The following NRG1 variants were observed in gnomAD, a reference collection of about 807,000 sequenced individuals.
NRG1 encodes the protein pro-neuregulin-1, membrane-bound isoform.
In NRG1, 18 loss-of-function variants were observed where a neutral mutation model predicts 63.8. The observed-to-expected ratio is 0.28, with a 90% CI of 0.19 to 0.42. NRG1 has a LOEUF of 0.42. NRG1 is among the 10% of genes least tolerant of loss of function. NRG1 has a pLI of 1.00. For synonymous variants in NRG1, 302 were observed against 301.3 expected (o/e 1.00, Z -0.02); for missense variants, 762 against 814.7 (o/e 0.94, Z 0.79).
At chr8:32,388,806 A>G (rs1374057066) in intron 1 of NRG1, among the ~76,000 whole-genome samples, 3 of 152,220 alleles carry the variant, frequency 2.0e-5, no homozygotes. Flanking sequence ...ATCAATAAAA[A>G]ATGATAAAGT....
exon 1 of NRG1, chr8:32,548,570 A>T (rs1415134649): frequency 7.8e-7 from 1 of 1,277,032 alleles, no homozygotes; most frequent in Non-Finnish European, 9.9e-7. Context: ...CGCTCCCTGC[A>T]GGCAACGGGA....
intron 1 of NRG1, among the ~76,000 whole-genome samples, chr8:32,360,704 C>A (rs1304938492): frequency 6.6e-6 from 1 of 152,150 alleles, no homozygotes; most frequent in Non-Finnish European, 1.5e-5. Context: ...CAAACCTGAA[C>A]CAGCATTTTC....
intron 1 of NRG1, among the ~76,000 whole-genome samples, chr8:32,307,589 T>TGTGTGTGTGGTGTGTG (rs1563296243): frequency 1.1e-5 from 1 of 93,490 alleles, no homozygotes; most frequent in African/African-American, 5.2e-5. Flanking sequence ...ACCCAGGGGT[T>TGTGTGTGTGGTGTGTG]TGTGTGTGTG....
chr8:31,973,297 CT>C (rs1432770023), intron 1 of NRG1, among the ~76,000 whole-genome samples: 5 of 152,100 alleles, frequency 3.3e-5, no homozygotes, highest in Admixed American at 2.0e-4. Context: ...CTGTTTCTTG[CT>C]TTTGTCATTA....
chr8:32,172,017 G>A (rs1840116295), intron 1 of NRG1, among the ~76,000 whole-genome samples: 1 of 152,178 alleles, frequency 6.6e-6, no homozygotes, highest in Admixed American at 6.5e-5. Flanking sequence ...CCAGCATGCA[G>A]CTGGAGATCT....
At chr8:32,441,407 A>G (rs1819529584) in intron 1 of NRG1, 1 of 152,038 alleles carries the variant, frequency 6.6e-6, no homozygotes, top group Admixed American at 6.6e-5. Context: ...TGATGTCACT[A>G]TGTAGACAGT....
chr8:32,009,402 C>T (rs940107799), intron 1 of NRG1, among the ~76,000 whole-genome samples: 6 of 152,006 alleles, frequency 3.9e-5, no homozygotes, highest in African/African-American at 1.4e-4. Flanking sequence ...TACTCTATGT[C>T]AGATGCTGTT....
At chr8:31,729,969 G>GA (rs1327021287) in intron 1 of NRG1, among the ~76,000 whole-genome samples, 2 of 152,184 alleles carry the variant, frequency 1.3e-5, no homozygotes, top group South Asian at 4.2e-4. Flanking sequence ...TTTGTCCTAA[G>GA]AAAGAATTCC....
chr8:32,005,661 T>TG (rs1448482948), intron 1 of NRG1, among the ~76,000 whole-genome samples: 5 of 152,024 alleles, frequency 3.3e-5, no homozygotes, highest in South Asian at 2.1e-4. Flanking sequence ...GACACTTGAC[T>TG]GACAGTAAAA....
At chr8:32,177,614 A>C (rs997300392) in intron 1 of NRG1, among the ~76,000 whole-genome samples, 1 of 151,108 alleles carries the variant, frequency 6.6e-6, no homozygotes, top group Non-Finnish European at 1.5e-5. Context: ...TCATTGTTCA[A>C]CTCCCACTTA....
At chr8:32,209,753 CCTTCCTTCCT>C (rs1167179320) in intron 1 of NRG1, among the ~76,000 whole-genome samples, 1 of 150,830 alleles carries the variant, frequency 6.6e-6, no homozygotes, top group Admixed American at 6.6e-5. Context: ...TTCCTTCCTT[CCTTCCTTCCT>C]TCCTTCCTTC....
At chr8:32,063,810 ATTAAC>A (rs747579056) in intron 1 of NRG1, among the ~76,000 whole-genome samples, 2 of 152,124 alleles carry the variant, frequency 1.3e-5, no homozygotes, top group African/African-American at 2.4e-5. Flanking sequence ...ACAACTCATA[ATTAAC>A]TTATATAAAG....
chr8:32,670,535 C>A (rs375007650), intron 5 of NRG1, among the ~76,000 whole-genome samples: 5 of 152,188 alleles, frequency 3.3e-5, no homozygotes, highest in African/African-American at 1.2e-4. Flanking sequence ...ACACCTCCTC[C>A]CATCAAAGCT....
chr8:32,235,659 TC>T (rs1847467922), intron 1 of NRG1, among the ~76,000 whole-genome samples: 1 of 152,090 alleles, frequency 6.6e-6, no homozygotes, highest in South Asian at 2.1e-4. Context: ...GTTGAAGGGT[TC>T]CCCAGGGCAT....
At chr8:32,450,919 G>A (rs1403770325) in intron 1 of NRG1, among the ~76,000 whole-genome samples, 2 of 152,088 alleles carry the variant, frequency 1.3e-5, no homozygotes, top group African/African-American at 4.8e-5. Context: ...GAGAGAGGAA[G>A]CTTCCCAGAA....
intron 1 of NRG1, among the ~76,000 whole-genome samples, chr8:32,021,940 A>G (rs7818040): frequency 0.93 from 141,202 of 152,106 alleles, 65,967 homozygotes; most frequent in East Asian, 1. Context: ...CCAGATATCC[A>G]TAGTTATCAA....
At chr8:32,588,199 G>C (rs1457492330) in intron 1 of NRG1, among the ~76,000 whole-genome samples, 2 of 152,156 alleles carry the variant, frequency 1.3e-5, no homozygotes, top group Non-Finnish European at 2.9e-5. Context: ...TGGGATTGCA[G>C]GTATGAGCCA....
chr8:32,293,949 C>G (rs1405073195), intron 1 of NRG1, among the ~76,000 whole-genome samples: 1 of 152,010 alleles, frequency 6.6e-6, no homozygotes, highest in African/African-American at 2.4e-5. Context: ...AACTCCTTAC[C>G]TCAGGTTATC....
intron 1 of NRG1, among the ~76,000 whole-genome samples, chr8:32,275,626 G>A (rs781572509): frequency 3.3e-5 from 5 of 152,132 alleles, no homozygotes; most frequent in Non-Finnish European, 7.4e-5. Flanking sequence ...ACAGGAGGGT[G>A]AGCAAGGAGA....
Sources: gnomAD v4.1 joint callset for allele counts (sites outside exome capture counted in the v4.1 genomes callset) on GRCh38, gnomAD v4.1.1 for gene constraint, MANE v1.5 for transcripts, NCBI Gene and HGNC (gene_info 2026-07-23, HGNC 2026-07-21) for gene names.